The following ZNF469 variants were observed in gnomAD, a reference collection of about 807,000 sequenced individuals.
ZNF469 encodes the protein zinc finger protein 469.
ZNF469 carries 1 observed loss-of-function variant against 1.0 expected under a neutral mutation model. That is an observed-to-expected ratio of 1.00 (90% CI 0.35 to 4.73). The LOEUF (loss-of-function observed/expected upper bound fraction) is 4.73, where lower values mean the gene tolerates loss of function less well. ZNF469 is among the 30% of genes most tolerant of loss of function. The pLI is 0.16. For missense variants in ZNF469, 6,100 were observed against 5,356.3 expected (o/e 1.14, Z -4.33); for synonymous variants, 2,703 against 2,363.4 (o/e 1.14, Z -4.17).
chr16:88,319,334 G>A, the ZNF469 span, among the ~76,000 whole-genome samples: 241 of 152,302 alleles, frequency 1.6e-3, no homozygotes, highest in African/African-American at 4.8e-3. Flanking sequence ...TGACTGAGCC[G>A]AAGGGGGCTC....
chr16:88,381,284 A>G (rs1358324597), upstream of ZNF469, among the ~76,000 whole-genome samples: 2 of 150,308 alleles, frequency 1.3e-5, no homozygotes, highest in African/African-American at 4.9e-5. Context: ...GCACTCACAC[A>G]CACGCACTCA....
chr16:88,410,482 G>A (rs531721610), intron 1 of ZNF469, among the ~76,000 whole-genome samples: 1 of 149,498 alleles, frequency 6.7e-6, no homozygotes, highest in South Asian at 2.2e-4. Context: ...TCACGGTGAC[G>A]TCTATGATGC....
the ZNF469 span, among the ~76,000 whole-genome samples, chr16:88,138,305 G>C: frequency 6.6e-6 from 1 of 152,126 alleles, no homozygotes; most frequent in African/African-American, 2.4e-5. Flanking sequence ...TGCTGGGATC[G>C]GCCCCTCCCC....
the ZNF469 span, among the ~76,000 whole-genome samples, chr16:88,306,550 T>C: frequency 6.6e-6 from 1 of 152,280 alleles, no homozygotes; most frequent in Admixed American, 6.5e-5. Flanking sequence ...CAGAGGGTGG[T>C]GGGGTGTGGT....
chr16:88,268,896 C>A, the ZNF469 span, among the ~76,000 whole-genome samples: 1 of 152,190 alleles, frequency 6.6e-6, no homozygotes, highest in Admixed American at 6.5e-5. Context: ...TGTGAGCCTC[C>A]CCTGAAGAGG....
the ZNF469 span, among the ~76,000 whole-genome samples, chr16:88,310,045 G>A: frequency 6.6e-6 from 1 of 152,132 alleles, no homozygotes; most frequent in East Asian, 1.9e-4. Context: ...TGCAATTCCT[G>A]TGCACTGAGT....
the ZNF469 span, among the ~76,000 whole-genome samples, chr16:88,229,580 G>GATGCCACACGTGTGT: frequency 8.2e-5 from 9 of 109,642 alleles, no homozygotes; most frequent in Middle Eastern, 4.9e-3. Context: ...CTTGTGCGCT[G>GATGCCACACGTGTGT]ATGTCACGCG....
At position 88,439,239 on chromosome 16, in the gene ZNF469, G is replaced by A; in HGVS notation, c.11769G>A (p.Arg3923=). 1 of 1,550,492 alleles carries A rather than the reference G, an allele frequency of 6.4e-7. No homozygotes were observed. The highest frequency in any genetic ancestry group is 1.2e-5 in the South Asian group (1 of 84,062). ...GAEPAEPHTH[R]TAEAQSDLLS... ...AACCTGCCGAGCCACACACCCACCG[G>A]ACGGCCGAGGCCCAGAGTGACCTCC... Residue 3923 remains arginine, a synonymous_variant, in exon 3 of 3, where the codon CGG becomes CGA. Transcript: ENST00000565624.
the ZNF469 span, among the ~76,000 whole-genome samples, chr16:88,249,167 C>G: frequency 2.6e-5 from 4 of 151,998 alleles, no homozygotes; most frequent in Non-Finnish European, 5.9e-5. Context: ...GATAGTAGCT[C>G]CACTCCTTTT....
At position 88,404,662 on chromosome 16, in the gene ZNF469, G is replaced by A. The variant is rs570830817; in HGVS notation, c.-191-20145G>A. ...TATGCAAATGAGTGCATGTGCTGGT[G>A]GGGGCAGGCACAGAGGGATGCTGCA... On this transcript the variant is annotated intron_variant, in intron 1 of 2. Coordinates refer to ENST00000565624, the MANE Select transcript of ZNF469 (RefSeq NM_001367624.2). Among the ~76,000 whole-genome samples the A allele has an allele frequency of 8.2e-4, 125 of 152,300 alleles. 1 individual carries two copies. The highest frequency in any genetic ancestry group is 2.4e-3 in the African/African-American group (99 of 41,572).
At position 88,429,237 on chromosome 16, in the gene ZNF469, C is replaced by T. The variant is rs1309173441; in HGVS notation, c.1767C>T (p.Ser589=). Residue 589 remains serine, a synonymous_variant, in exon 3 of 3, where the codon AGC becomes AGT. Coordinates refer to ENST00000565624, the MANE Select transcript of ZNF469 (RefSeq NM_001367624.2). ...PPPRVVGASP[S]ESPLPSPATN... ...CGAGGGTAGTGGGAGCCTCCCCCAG[C>T]GAGTCCCCACTGCCGTCACCGGCCA... is the stretch of plus-strand genomic sequence containing the variant. The T allele has an allele frequency of 9.7e-6, 15 of 1,549,642 alleles. No homozygotes were observed. The East Asian group carries it at 1.7e-4, about 18-fold the overall frequency.
chr16:88,393,352 G>T (rs996726153), intron 1 of ZNF469, among the ~76,000 whole-genome samples: 25 of 152,248 alleles, frequency 1.6e-4, no homozygotes, highest in African/African-American at 6.0e-4. Context: ...GCCTGGAGCT[G>T]GGAGCCGCAT....
the ZNF469 span, among the ~76,000 whole-genome samples, chr16:88,135,748 G>GTTTTATTCTTTTTTTTTTT: frequency 3.0e-4 from 20 of 66,930 alleles, 9 homozygotes; most frequent in Admixed American, 5.6e-4. Context: ...AGCTGGCCAT[G>GTTTTATTCTTTTTTTTTTT]TTTTTTTTTT....
chr16:88,355,420 C>T, the ZNF469 span, among the ~76,000 whole-genome samples: 4 of 152,360 alleles, frequency 2.6e-5, no homozygotes, highest in South Asian at 2.1e-4. Context: ...CGCTCACGGA[C>T]GAATCAGCTC....
At position 88,439,230 on chromosome 16, in the gene ZNF469, C is replaced by T; in HGVS notation, c.11760C>T (p.His3920=). ...AVHGAEPAEP[H]THRTAEAQSD... Reference sequence around the variant, plus strand: ...ACGGTGCTGAACCTGCCGAGCCACACACCCACCGGACGGCCGAGGCCCAGA... The same window carrying T: ...ACGGTGCTGAACCTGCCGAGCCACATACCCACCGGACGGCCGAGGCCCAGA... The change falls in exon 3 of 3, where the codon CAC becomes CAT. Residue 3920 remains histidine (H), a synonymous_variant. Coordinates refer to ENST00000565624, the MANE Select transcript of ZNF469 (RefSeq NM_001367624.2). 1 of 1,550,504 alleles carries T rather than the reference C, an allele frequency of 6.4e-7. No individual in the cohort carries two copies. Among genetic ancestry groups the T allele is most frequent in the South Asian group, 1.2e-5 (1 of 84,068 alleles).
chr16:88,275,784 G>A, the ZNF469 span, among the ~76,000 whole-genome samples: 6 of 152,290 alleles, frequency 3.9e-5, 1 homozygote, highest in African/African-American at 9.6e-5. Flanking sequence ...GGCTGGCAGC[G>A]TGGTCCTGAC....
the ZNF469 span, among the ~76,000 whole-genome samples, chr16:88,359,249 G>A: frequency 6.7e-6 from 1 of 150,372 alleles, no homozygotes. Context: ...TGAGCGTCCC[G>A]GGGGCTCGGT....
At chr16:88,180,523 G>C in the ZNF469 span, among the ~76,000 whole-genome samples, 1 of 152,166 alleles carries the variant, frequency 6.6e-6, no homozygotes, top group Admixed American at 6.5e-5. Flanking sequence ...TGTAATCCCA[G>C]CACTTTGGGA....
chr16:88,143,744 G>T, the ZNF469 span, among the ~76,000 whole-genome samples: 39 of 152,360 alleles, frequency 2.6e-4, no homozygotes, highest in South Asian at 8.1e-3. Flanking sequence ...TGAACAAGTC[G>T]CAGCCTTGCG....
Sources: allele counts gnomAD v4.1 joint callset (sites outside exome capture counted in the v4.1 genomes callset), GRCh38; gene constraint gnomAD v4.1.1; transcripts MANE v1.5; gene names NCBI Gene and HGNC (gene_info 2026-07-23, HGNC 2026-07-21).